The following XRN1 variants were observed in gnomAD, a reference collection of about 807,000 sequenced individuals.
XRN1 encodes the protein 5'-3' exoribonuclease 1, also known as strand-exchange protein 1 homolog.
A neutral mutation model predicts 222.3 loss-of-function variants in XRN1; 67 were observed. The observed-to-expected ratio is 0.30, with a 90% CI of 0.25 to 0.37. XRN1 has a LOEUF of 0.37. XRN1 is among the 10% of genes least tolerant of loss of function. XRN1 has a pLI of 1.00. For synonymous variants in XRN1, 643 were observed against 652.4 expected, an observed-to-expected ratio of 0.99 and a Z score of 0.22; for missense variants, 1,707 against 2,000.2, an observed-to-expected ratio of 0.85 and a Z score of 2.80.
intron 3 of XRN1, 71 bp downstream of exon 3, chr3:142,426,673 A>G (rs1192123194): frequency 1.4e-6 from 2 of 1,427,486 alleles, no homozygotes; most frequent in Non-Finnish European, 1.9e-6. Context: ...ATAGAAAATA[A>G]AATACATTTA....
chr3:142,416,086 A>G (rs76175545), intron 13 of XRN1, among the ~76,000 whole-genome samples: 2 of 149,870 alleles, frequency 1.3e-5, no homozygotes, highest in African/African-American at 2.4e-5. Context: ...CTCTGTCTCA[A>G]AAAAAAAAAG....
intron 32 of XRN1, among the ~76,000 whole-genome samples, chr3:142,349,250 G>A (rs1048059372): frequency 5.3e-5 from 8 of 152,100 alleles, no homozygotes; most frequent in East Asian, 3.9e-4. Flanking sequence ...CACTGCGCCC[G>A]GCCAGCTTTT....
intron 32 of XRN1, among the ~76,000 whole-genome samples, chr3:142,353,186 T>C (rs1334145428): frequency 2.0e-5 from 3 of 152,200 alleles, no homozygotes; most frequent in East Asian, 3.8e-4. Context: ...TAACGGCCTT[T>C]GTTGAATTTA....
intron 5 of XRN1, among the ~76,000 whole-genome samples, chr3:142,424,752 TA>T (rs1449925065): frequency 4.6e-5 from 7 of 152,044 alleles, no homozygotes; most frequent in East Asian, 1.9e-4. Context: ...GACAGATGAT[TA>T]GGGGTAGAAA....
chr3:142,332,649 C>A, intron 35 of XRN1, 115 bp from the exon 36 acceptor site: 1 of 958,460 alleles, frequency 1.0e-6, no homozygotes, highest in Non-Finnish European at 1.5e-6. Flanking sequence ...ACAATTAAGA[C>A]ATTAACTACA....
chr3:142,418,318 C>G (rs184889591), intron 12 of XRN1, 186 bp downstream of exon 12: 7 of 463,684 alleles, frequency 1.5e-5, no homozygotes, highest in African/African-American at 1.2e-4. Flanking sequence ...ATTTTTATCA[C>G]AGGAATATAA....
chr3:142,348,609 C>T (rs1419588229), intron 32 of XRN1, among the ~76,000 whole-genome samples: 2 of 152,032 alleles, frequency 1.3e-5, no homozygotes, highest in Admixed American at 6.6e-5. Flanking sequence ...ATTATTTCAC[C>T]GTTTTGCTTT....
chr3:142,320,586 T>G (rs1356636727), intron 37 of XRN1, among the ~76,000 whole-genome samples: 2 of 152,160 alleles, frequency 1.3e-5, no homozygotes, highest in Non-Finnish European at 2.9e-5. Flanking sequence ...TCTATTTTTG[T>G]TTTTGTTGCA....
At chr3:142,345,621 C>T (rs1174543932) in intron 33 of XRN1, among the ~76,000 whole-genome samples, 1 of 152,048 alleles carries the variant, frequency 6.6e-6, no homozygotes, top group Non-Finnish European at 1.5e-5. Context: ...AGAAAACCCA[C>T]AGAATGGGAG....
intron 21 of XRN1, 109 bp from the exon 22 acceptor site, chr3:142,383,522 AT>A: frequency 1.1e-6 from 1 of 897,714 alleles, no homozygotes; most frequent in Non-Finnish European, 1.7e-6. Flanking sequence ...CAATGTGAAG[AT>A]TTTTCTACAT....
intron 25 of XRN1, among the ~76,000 whole-genome samples, chr3:142,371,657 C>A (rs569814026): frequency 8.7e-4 from 132 of 152,240 alleles, no homozygotes; most frequent in African/African-American, 3.1e-3. Flanking sequence ...CACAACAAAA[C>A]TAGAGCACTC....
chr3:142,390,946 G>T (rs896556100), intron 20 of XRN1, among the ~76,000 whole-genome samples: 1 of 152,166 alleles, frequency 6.6e-6, no homozygotes, highest in African/African-American at 2.4e-5. Context: ...GAGACTAGGG[G>T]ACCGTTGGTT....
At chr3:142,319,269 GT>G (rs2065286313) in intron 37 of XRN1, among the ~76,000 whole-genome samples, 2 of 152,168 alleles carry the variant, frequency 1.3e-5, no homozygotes. Context: ...TAACTGTAGA[GT>G]TCGGAAGCTG....
chr3:142,400,753 T>C (rs1440833485), intron 18 of XRN1, among the ~76,000 whole-genome samples: 1 of 152,048 alleles, frequency 6.6e-6, no homozygotes, highest in African/African-American at 2.4e-5. Context: ...ACCCCATCTC[T>C]ACTAAAATTA....
At chr3:142,317,147 A>C (rs1560280884) in intron 39 of XRN1, among the ~76,000 whole-genome samples, 1 of 152,174 alleles carries the variant, frequency 6.6e-6, no homozygotes, top group Non-Finnish European at 1.5e-5. Context: ...TTTTATCACT[A>C]GTATTCAGAA....
At chr3:142,325,237 C>T (rs1250092645) in intron 37 of XRN1, among the ~76,000 whole-genome samples, 1 of 151,924 alleles carries the variant, frequency 6.6e-6, no homozygotes, top group Non-Finnish European at 1.5e-5. Context: ...TCCATTATTG[C>T]CTGTTTTTTA....
chr3:142,420,616 C>T (rs997738227), intron 10 of XRN1, among the ~76,000 whole-genome samples: 2 of 152,182 alleles, frequency 1.3e-5, no homozygotes, highest in East Asian at 3.9e-4. Flanking sequence ...AGGTAATCCA[C>T]CCATTTTGCC....
Position 142,397,325 on chromosome 3 carries a change from T to C in XRN1, c.2339+4A>G. 9 of 1,582,918 alleles carry C rather than the reference T, an allele frequency of 5.7e-6. No individual in the cohort carries two copies. Among genetic ancestry groups the C allele is most frequent in the Non-Finnish European group, 7.7e-6 (9 of 1,166,138 alleles). On this transcript the variant is annotated splice_donor_region_variant and intron_variant, in intron 20 of 40. Coordinates refer to ENST00000392981, the MANE Select transcript of XRN1 (RefSeq NM_001282857.2). Reference sequence around the variant, plus strand: ...TGATATTAAATACTTTTAACGATACTCACTGTTCTGAAATTCCTTGTACTT... The same window carrying C: ...TGATATTAAATACTTTTAACGATACCCACTGTTCTGAAATTCCTTGTACTT...
Position 142,423,278 on chromosome 3 carries a change from A to C in XRN1, c.710+282T>G, listed in dbSNP as rs552711935. 1.7e-3 allele frequency among the ~76,000 whole-genome samples: 261 copies of C among 152,298 alleles called. 2 individuals carry two copies. Among genetic ancestry groups the C allele is most frequent in the African/African-American group, 6.0e-3 (248 of 41,546 alleles). ...AGGAAGATTGGATATCCACATGCAA[A>C]AGAATGAAGTTGGGCCCTTACCTTA... On this transcript the variant is annotated intron_variant, in intron 6 of 40. Coordinates refer to ENST00000392981, the MANE Select transcript of XRN1 (RefSeq NM_001282857.2).
Sources: allele counts gnomAD v4.1 joint callset (sites outside exome capture counted in the v4.1 genomes callset), GRCh38; gene constraint gnomAD v4.1.1; transcripts MANE v1.5; gene names NCBI Gene and HGNC (gene_info 2026-07-23, HGNC 2026-07-21).